The following FRMD4A variants were observed in gnomAD, a reference collection of about 807,000 sequenced individuals.
FRMD4A encodes the protein FERM domain containing 4A.
In FRMD4A, 29 loss-of-function variants were observed where a neutral mutation model predicts 129.1. The observed-to-expected ratio is 0.22, with a 90% confidence interval of 0.17 to 0.31. The LOEUF (loss-of-function observed/expected upper bound fraction) is 0.31, where lower values mean the gene tolerates loss of function less well. FRMD4A is among the 10% of genes least tolerant of loss of function. FRMD4A has a pLI of 1.00. For synonymous variants in FRMD4A, 634 were observed against 571.6 expected (o/e 1.11, Z -1.56); for missense variants, 1,272 against 1,375.8 (o/e 0.92, Z 1.19).
At chr10:14,003,869 C>A (rs1445769591) in intron 2 of FRMD4A, among the ~76,000 whole-genome samples, 2 of 152,246 alleles carry the variant, frequency 1.3e-5, no homozygotes, top group Admixed American at 1.3e-4. Context: ...TTCCTCCCTG[C>A]CCCAAGGCAA....
intron 2 of FRMD4A, among the ~76,000 whole-genome samples, chr10:14,204,046 A>G (rs1406283269): frequency 6.6e-6 from 1 of 152,228 alleles, no homozygotes; most frequent in Admixed American, 6.5e-5. Flanking sequence ...TAGGCATTAG[A>G]AAAGCTAGTC....
chr10:13,822,340 A>G (rs561235870), intron 3 of FRMD4A, among the ~76,000 whole-genome samples: 1 of 152,230 alleles, frequency 6.6e-6, no homozygotes, highest in Non-Finnish European at 1.5e-5. Context: ...TCTGGGGTTC[A>G]GATCTAGCAA....
At chr10:13,670,237 C>A (rs2083404576) in intron 17 of FRMD4A, among the ~76,000 whole-genome samples, 169 bp downstream of exon 17, 1 of 152,130 alleles carries the variant, frequency 6.6e-6, no homozygotes, top group Admixed American at 6.5e-5. Context: ...ACTACTCCTA[C>A]CGAGGGGAAC....
chr10:14,131,146 C>A (rs1330318269), intron 2 of FRMD4A, among the ~76,000 whole-genome samples: 4 of 152,116 alleles, frequency 2.6e-5, no homozygotes, highest in Non-Finnish European at 5.9e-5. Flanking sequence ...GAGAATGTAA[C>A]CACACAAATC....
At chr10:13,976,187 A>T (rs1199396976) in intron 2 of FRMD4A, among the ~76,000 whole-genome samples, 1 of 152,118 alleles carries the variant, frequency 6.6e-6, no homozygotes, top group Admixed American at 6.5e-5. Flanking sequence ...AGATGGGGTG[A>T]GTTGCTGAGT....
In FRMD4A at chr10:14,271,356, C is replaced by T. The variant is rs193253626; in HGVS notation, c.45+58702G>A. ...AGGTGGCTGGAGCCCATCCCAGCAG[C>T]TCAGGGTGCAAGGCAGGGCCCAGCC... On this transcript the variant is annotated intron_variant, in intron 2 of 24. Transcript: ENST00000357447. 8.5e-5 allele frequency among the ~76,000 whole-genome samples: 13 copies of T among 152,368 alleles called. No individual in the cohort carries two copies. In the East Asian group the frequency reaches 2.5e-3, roughly 29 times the overall value.
At chr10:14,254,257 T>C (rs1479496018) in intron 2 of FRMD4A, among the ~76,000 whole-genome samples, 2 of 152,222 alleles carry the variant, frequency 1.3e-5, no homozygotes, top group Non-Finnish European at 2.9e-5. Flanking sequence ...CTCATCACTA[T>C]ACACCCTTAG....
chr10:14,108,823 T>C (rs536994039), intron 2 of FRMD4A, among the ~76,000 whole-genome samples: 1 of 152,188 alleles, frequency 6.6e-6, no homozygotes, highest in African/African-American at 2.4e-5. Flanking sequence ...AGAAAATTAC[T>C]CCATAGAAAC....
At chr10:14,162,120 T>A (rs1476264179) in intron 2 of FRMD4A, among the ~76,000 whole-genome samples, 3 of 152,068 alleles carry the variant, frequency 2.0e-5, no homozygotes, top group African/African-American at 2.4e-5. Flanking sequence ...TATATACATA[T>A]TTTTTGTATA....
rs193163746 is a variant in FRMD4A at position 14,109,908 on chromosome 10, T to A, written c.45+220150A>T. On this transcript the variant is annotated intron_variant, in intron 2 of 24. Transcript: ENST00000357447. ...AATCGCTTGAACCGGGAGGCAGAGG[T>A]TGCAGTCAGCCAAGATCACGACACT... 6.0e-5 allele frequency among the ~76,000 whole-genome samples: 9 copies of A among 150,632 alleles called. No individual in the cohort carries two copies. The East Asian group carries it at 1.8e-3, about 29-fold the overall frequency.
At chr10:13,993,967 A>T (rs1421760056) in intron 2 of FRMD4A, among the ~76,000 whole-genome samples, 1 of 151,564 alleles carries the variant, frequency 6.6e-6, no homozygotes, top group African/African-American at 2.4e-5. Flanking sequence ...ATGAAAATCA[A>T]GCCTGGGGCA....
chr10:13,690,206 T>C (rs535188913), intron 15 of FRMD4A, among the ~76,000 whole-genome samples: 8 of 152,222 alleles, frequency 5.3e-5, no homozygotes, highest in Admixed American at 4.6e-4. Flanking sequence ...CTTGTCCCCT[T>C]TGTGGGAACA....
chr10:13,703,104 T>C (rs1309063210), intron 13 of FRMD4A, among the ~76,000 whole-genome samples: 8 of 152,118 alleles, frequency 5.3e-5, no homozygotes, highest in Non-Finnish European at 8.8e-5. Flanking sequence ...ATGACTTTTT[T>C]TTCCCCCCAG....
Position 13,716,468 on chromosome 10 carries a change from C to G in FRMD4A, c.760-9355G>C, listed in dbSNP as rs142398680. Among the ~76,000 whole-genome samples the G allele has an allele frequency of 4.0e-4, 61 of 152,318 alleles. No individual in the cohort carries two copies. The East Asian group carries it at 8.9e-3, about 22-fold the overall frequency. On this transcript the variant is annotated intron_variant, in intron 12 of 24. Transcript: ENST00000357447. ...CCATCACTTGCACTGAAAGAGGCAT[C>G]TATCTTCTTCAGAGATGGCCACACA... is the stretch of plus-strand genomic sequence containing the variant.
Position 14,093,611 on chromosome 10 carries a change from T to C in FRMD4A, c.46-234699A>G, listed in dbSNP as rs139646367. The stretch of plus-strand genomic sequence containing the variant: ...AGTGGGACCTGCTTGTATGCACTAT[T>C]TTCTGCAAAGAAAATATGTTTATGG... On this transcript the variant is annotated intron_variant, in intron 2 of 24. Transcript: ENST00000357447. Among the ~76,000 whole-genome samples the C allele has an allele frequency of 6.9e-3, 1,057 of 152,292 alleles. 12 individuals carry two copies. Among genetic ancestry groups the C allele is most frequent in the African/African-American group, 0.024 (996 of 41,560 alleles).
chr10:13,867,735 T>TATAATATGATATATAATA (rs2094389289), intron 2 of FRMD4A, among the ~76,000 whole-genome samples: 1 of 85,034 alleles, frequency 1.2e-5, no homozygotes, highest in Non-Finnish European at 2.2e-5. Context: ...ATATAATAAA[T>TATAATATGATATATAATA]AACATATAAT....
At chr10:14,180,853 C>T (rs1356746087) in intron 2 of FRMD4A, among the ~76,000 whole-genome samples, 2 of 152,158 alleles carry the variant, frequency 1.3e-5, no homozygotes, top group African/African-American at 2.4e-5. Context: ...GTCTAAGCTC[C>T]AAGACACACA....
intron 12 of FRMD4A, among the ~76,000 whole-genome samples, chr10:13,730,506 G>A (rs74583492): frequency 0.018 from 2,812 of 152,024 alleles, 90 homozygotes; most frequent in African/African-American, 0.063. Flanking sequence ...TTACTCCACC[G>A]TAAATGCAAA....
chr10:14,206,060 C>G (rs1435220675), intron 2 of FRMD4A, among the ~76,000 whole-genome samples: 1 of 152,194 alleles, frequency 6.6e-6, no homozygotes, highest in Non-Finnish European at 1.5e-5. Context: ...GGCCAGCCCC[C>G]TTGTCAGTGA....
Sources: gnomAD v4.1 joint callset for allele counts (sites outside exome capture counted in the v4.1 genomes callset) on GRCh38, gnomAD v4.1.1 for gene constraint, MANE v1.5 for transcripts, NCBI Gene and HGNC (gene_info 2026-07-23, HGNC 2026-07-21) for gene names.